Variants in TXNDC15 observed in about 807,000 individuals in gnomAD.
The protein encoded by TXNDC15 is thioredoxin domain containing 15, also known as thioredoxin domain-containing protein 15.
Under a neutral mutation model 35.0 loss-of-function variants are expected in TXNDC15, and 24 were observed. That is an observed-to-expected ratio of 0.68 (90% CI 0.50 to 0.96). TXNDC15 has a LOEUF of 0.96. TXNDC15 is among the 40% of genes least tolerant of loss of function. The pLI, the probability that TXNDC15 is intolerant of heterozygous loss-of-function variation, is 0.00. For synonymous variants in TXNDC15, 169 were observed against 174.0 expected, an observed-to-expected ratio of 0.97 and a Z score of 0.23; for missense variants, 385 against 453.3, an observed-to-expected ratio of 0.85 and a Z score of 1.37.
intron 2 of TXNDC15, among the ~76,000 whole-genome samples, chr5:134,891,760 A>G (rs1038369275): frequency 1.3e-5 from 2 of 152,020 alleles, no homozygotes; most frequent in East Asian, 1.9e-4. Flanking sequence ...CCTTATCTCT[A>G]CAAAAAATAC....
At chr5:134,884,682 A>G (rs1287160183) in intron 1 of TXNDC15, among the ~76,000 whole-genome samples, 2 of 151,242 alleles carry the variant, frequency 1.3e-5, no homozygotes, top group Non-Finnish European at 2.9e-5. Context: ...TATTTTTAAT[A>G]TCTTATATCT....
chr5:134,892,260 G>A (rs918648230), intron 2 of TXNDC15: 5 of 151,998 alleles, frequency 3.3e-5, no homozygotes, highest in Non-Finnish European at 5.9e-5. Context: ...TCTGGAGACA[G>A]CTTCTTTCTT....
intron 2 of TXNDC15, chr5:134,892,411 C>T (rs1359558082): frequency 6.6e-6 from 1 of 152,150 alleles, no homozygotes; most frequent in Non-Finnish European, 1.5e-5. Context: ...CTGGTTTGAT[C>T]GTCTATCTAT....
At chr5:134,881,082 C>T (rs1750132271) in intron 1 of TXNDC15, among the ~76,000 whole-genome samples, 1 of 151,218 alleles carries the variant, frequency 6.6e-6, no homozygotes. Context: ...TACATTAGAC[C>T]ACTTGAAATT....
chr5:134,874,352 C>T (rs896423650), upstream of TXNDC15: 7 of 1,305,278 alleles, frequency 5.4e-6, no homozygotes, highest in Non-Finnish European at 7.2e-6. Context: ...CGCTCCCAGG[C>T]TCTCCTCCCC....
At position 134,896,279 on chromosome 5, in the gene TXNDC15, T is replaced by A. The variant is rs1173095706; in HGVS notation, c.756-15T>A. ...TAATAATAAATTCAGGTTTTTTGAC[T>A]TCTTTCTCTTGTAGCCTTTCTACCA... On this transcript the variant is annotated splice_polypyrimidine_tract_variant and intron_variant, in intron 3 of 4. Coordinates refer to ENST00000358387, the MANE Select transcript of TXNDC15 (RefSeq NM_024715.4). 6.2e-7 allele frequency: 1 copy of A among 1,602,464 alleles called. No individual in the cohort carries two copies. Among genetic ancestry groups the A allele is most frequent in the African/African-American group, 1.3e-5 (1 of 74,080 alleles).
At chr5:134,894,095 C>G (rs981706024) in intron 3 of TXNDC15, among the ~76,000 whole-genome samples, 1 of 151,760 alleles carries the variant, frequency 6.6e-6, no homozygotes, top group Non-Finnish European at 1.5e-5. Context: ...TTTTCTTTTT[C>G]TTTCCTTCTT....
At chr5:134,890,219 G>A (rs1175526866) in intron 2 of TXNDC15, among the ~76,000 whole-genome samples, 2 of 151,110 alleles carry the variant, frequency 1.3e-5, no homozygotes, top group African/African-American at 4.9e-5. Flanking sequence ...TTTTTTTGTA[G>A]AGATGAGGTC....
intron 1 of TXNDC15, among the ~76,000 whole-genome samples, chr5:134,885,810 C>T (rs1224624591): frequency 1.3e-5 from 2 of 152,190 alleles, no homozygotes; most frequent in African/African-American, 2.4e-5. Context: ...TCTGTTGCCT[C>T]ATAACTGATT....
Position 134,888,104 on chromosome 5 carries a change from A to AT in TXNDC15, c.514dup (p.Ser172PhefsTer7). ...ACTCCAATAACACTGAAAGTCTGAA[A>AT]TCCCCAAAGGTGAACTGTGAGGAGA... On this transcript the variant is annotated frameshift_variant, in exon 2 of 5. Transcript: ENST00000358387. LOFTEE classifies it high-confidence loss of function. 1 of 1,614,230 alleles carries AT rather than the reference A, an allele frequency of 6.2e-7. No individual in the cohort carries two copies. Among genetic ancestry groups the AT allele is most frequent in the South Asian group, 1.1e-5 (1 of 91,084 alleles).
intron 1 of TXNDC15, among the ~76,000 whole-genome samples, chr5:134,883,475 C>T (rs940326857): frequency 6.7e-6 from 1 of 149,494 alleles, no homozygotes; most frequent in Admixed American, 6.8e-5. Context: ...GGTGCAGTGG[C>T]TCATGCCTGT....
chr5:134,887,928 ACCTGTGGTG>A lies in TXNDC15; in HGVS notation c.339_347del (p.Cys114_Ala116del), dbSNP rs1178782245. 1 of 1,614,076 alleles carries A rather than the reference ACCTGTGGTG, an allele frequency of 6.2e-7. No individual in the cohort carries two copies. ...AGTGAGTTCAGAGCCTAGCGGCGTC[ACCTGTGGTG>A]CTGGAGGAGCGGAGGACTCAAGGTG... On this transcript the variant is annotated inframe_deletion, in exon 2 of 5. Coordinates refer to ENST00000358387, the MANE Select transcript of TXNDC15 (RefSeq NM_024715.4).
At chr5:134,876,169 G>A (rs141495684) in intron 1 of TXNDC15, among the ~76,000 whole-genome samples, 68 of 152,278 alleles carry the variant, frequency 4.5e-4, no homozygotes, top group African/African-American at 1.5e-3. Flanking sequence ...TCACAGAGGG[G>A]ATGGCATGGG....
intron 1 of TXNDC15, among the ~76,000 whole-genome samples, chr5:134,887,302 A>G (rs1750294762): frequency 6.6e-6 from 1 of 152,164 alleles, no homozygotes; most frequent in Admixed American, 6.5e-5. Flanking sequence ...CTCTTGCCTC[A>G]GCCTCCCTAG....
At chr5:134,883,317 C>T (rs1182092728) in intron 1 of TXNDC15, among the ~76,000 whole-genome samples, 2 of 151,826 alleles carry the variant, frequency 1.3e-5, no homozygotes, top group Non-Finnish European at 2.9e-5. Flanking sequence ...CCCAGCTATT[C>T]AGGAGGCTGA....
intron 2 of TXNDC15, among the ~76,000 whole-genome samples, chr5:134,888,860 A>G (rs1478967782): frequency 6.6e-6 from 1 of 152,028 alleles, no homozygotes; most frequent in East Asian, 1.9e-4. Flanking sequence ...ATTATAATTT[A>G]CCATTATTTA....
At chr5:134,895,723 A>T (rs1220575893) in intron 3 of TXNDC15, among the ~76,000 whole-genome samples, 1 of 152,212 alleles carries the variant, frequency 6.6e-6, no homozygotes, top group Non-Finnish European at 1.5e-5. Flanking sequence ...GCTTCAACCC[A>T]GAGTGTTTTG....
chr5:134,894,812 TAAA>T lies in TXNDC15; in HGVS notation c.755+1158_755+1160del, dbSNP rs1156289450. Among the ~76,000 whole-genome samples the T allele has an allele frequency of 2.6e-5, 4 of 152,232 alleles. No homozygotes were observed. In the South Asian group the frequency reaches 8.3e-4, roughly 32 times the overall value. On this transcript the variant is annotated intron_variant, in intron 3 of 4. Coordinates refer to ENST00000358387, the MANE Select transcript of TXNDC15 (RefSeq NM_024715.4). The stretch of plus-strand genomic sequence containing the variant: ...TCAGCCTCAACAAGGAGGTTGTGTG[TAAA>T]TAAATCTAGAACATCTGAAAAATGG...
Position 134,874,534 on chromosome 5 carries a change from A to G in TXNDC15, c.103+4A>G. ...CTTCCCGTCCGCGGCGTGGAGGGTG[A>G]GTGTGGGCCGGGGGCGGTGCATGAG... is the stretch of plus-strand genomic sequence containing the variant. On this transcript the variant is annotated splice_donor_region_variant and intron_variant, in intron 1 of 4. Coordinates refer to ENST00000358387, the MANE Select transcript of TXNDC15 (RefSeq NM_024715.4). 1 of 1,596,524 alleles carries G rather than the reference A, an allele frequency of 6.3e-7. No individual in the cohort carries two copies.
Sources: gnomAD v4.1 joint callset for allele counts (sites outside exome capture counted in the v4.1 genomes callset) on GRCh38, gnomAD v4.1.1 for gene constraint, MANE v1.5 for transcripts, NCBI Gene and HGNC (gene_info 2026-07-23, HGNC 2026-07-21) for gene names.